The following ELMO1 variants were observed in gnomAD, a reference collection of about 807,000 sequenced individuals.
ELMO1 encodes engulfment and cell motility protein 1.
ELMO1 carries 26 observed loss-of-function variants against 98.9 expected under a neutral mutation model. The ratio of observed to expected loss-of-function variants is 0.26; its 90% CI spans 0.19 to 0.36. The LOEUF is 0.36. ELMO1 is among the 10% of genes least tolerant of loss of function. The pLI, the probability that ELMO1 is intolerant of heterozygous loss-of-function variation, is 1.00. For missense variants in ELMO1, 627 were observed against 935.2 expected (o/e 0.67, Z 4.30); for synonymous variants, 346 against 346.0 (o/e 1.00, Z 0.00).
At chr7:37,107,917 G>A (rs1785034492) in intron 14 of ELMO1, among the ~76,000 whole-genome samples, 1 of 152,126 alleles carries the variant, frequency 6.6e-6, no homozygotes, top group Non-Finnish European at 1.5e-5. Flanking sequence ...TTGGGAGAAC[G>A]GACTTGAGAA....
intron 13 of ELMO1, among the ~76,000 whole-genome samples, chr7:37,196,113 A>T (rs1230228408): frequency 6.6e-6 from 1 of 152,226 alleles, no homozygotes; most frequent in African/African-American, 2.4e-5. Flanking sequence ...CAAATGAACA[A>T]CATCAAGAAG....
rs1803410735 is a variant in ELMO1, at chr7:36,870,426, A to G, written c.1872T>C (p.His624=). ...GTTTAAGGGCACCTTTCTCTTTCAT[A>G]TGAGGGCAGTCCTTTCCCGTCACCA... is the stretch of plus-strand genomic sequence containing the variant. ...KAVVTGKDCP[H]MKEKGALKQN... is the part of the protein sequence containing the mutation. Residue 624 remains histidine (H), a synonymous_variant, in exon 20 of 22, where the codon CAT becomes CAC. Transcript: ENST00000310758. This position sits in a 1 kb window ranked among gnomAD's most constrained non-coding sequence, Gnocchi z 4.4. The G allele has an allele frequency of 3.7e-6, 6 of 1,614,030 alleles. No individual in the cohort carries two copies. Among genetic ancestry groups the G allele is most frequent in the Non-Finnish European group, 4.2e-6 (5 of 1,180,004 alleles).
At chr7:37,336,353 C>A (rs950856135) in intron 2 of ELMO1, among the ~76,000 whole-genome samples, 1 of 152,174 alleles carries the variant, frequency 6.6e-6, no homozygotes. Flanking sequence ...CCATTTGTCT[C>A]GTCTGTAGAC....
At chr7:37,161,353 C>A (rs1325816763) in intron 13 of ELMO1, among the ~76,000 whole-genome samples, 1 of 152,174 alleles carries the variant, frequency 6.6e-6, no homozygotes, top group African/African-American at 2.4e-5. Flanking sequence ...TATCTTGAAT[C>A]CCCTAAACAT....
At chr7:36,960,716 A>C (rs1239004320) in intron 16 of ELMO1, among the ~76,000 whole-genome samples, 2 of 151,306 alleles carry the variant, frequency 1.3e-5, no homozygotes, top group East Asian at 3.9e-4. Flanking sequence ...CTTATATTTT[A>C]AGAAATAACC....
chr7:36,979,874 G>T (rs1790898699), intron 16 of ELMO1, among the ~76,000 whole-genome samples: 1 of 152,204 alleles, frequency 6.6e-6, no homozygotes, highest in Non-Finnish European at 1.5e-5. Flanking sequence ...AGTTCCATTA[G>T]CTCATGGGTG....
intron 2 of ELMO1, among the ~76,000 whole-genome samples, chr7:37,333,543 C>G (rs572987638): frequency 6.6e-6 from 1 of 152,322 alleles, no homozygotes; most frequent in Non-Finnish European, 1.5e-5. Context: ...CAATTAAACT[C>G]AGCTCAGTTA....
intron 16 of ELMO1, among the ~76,000 whole-genome samples, chr7:36,927,651 C>G (rs1217853421): frequency 6.6e-6 from 1 of 152,182 alleles, no homozygotes; most frequent in Non-Finnish European, 1.5e-5. Flanking sequence ...GGGGACCACA[C>G]AGTGGTTCCA....
chr7:37,319,206 T>G (rs1583537205), intron 2 of ELMO1, among the ~76,000 whole-genome samples: 3 of 152,096 alleles, frequency 2.0e-5, no homozygotes, highest in Middle Eastern at 6.8e-3. Flanking sequence ...AATCATCACT[T>G]TCACATTCCC....
chr7:37,401,641 AG>A (rs1803536011), intron 1 of ELMO1, among the ~76,000 whole-genome samples: 2 of 152,226 alleles, frequency 1.3e-5, no homozygotes, highest in African/African-American at 2.4e-5. Context: ...AGAAGAATTC[AG>A]GCAAAAGCAG....
intron 15 of ELMO1, among the ~76,000 whole-genome samples, chr7:37,057,264 G>A: frequency 6.6e-6 from 1 of 151,754 alleles, no homozygotes; most frequent in Admixed American, 6.6e-5. Flanking sequence ...GTGGTACACA[G>A]TTGTCATGTG....
intron 2 of ELMO1, among the ~76,000 whole-genome samples, chr7:37,333,155 C>G (rs1221582095): frequency 6.6e-6 from 1 of 152,148 alleles, no homozygotes; most frequent in East Asian, 1.9e-4. Flanking sequence ...CCTTGGAGTT[C>G]TGGACACACT....
chr7:37,230,671 A>G (rs576055488), intron 8 of ELMO1, among the ~76,000 whole-genome samples: 5 of 152,256 alleles, frequency 3.3e-5, no homozygotes, highest in Non-Finnish European at 7.3e-5. Context: ...GTTACATTCT[A>G]TAGCAAAAGA....
intron 1 of ELMO1, chr7:37,375,936 C>T (rs1391901593): frequency 7.9e-6 from 5 of 635,738 alleles, no homozygotes; most frequent in Non-Finnish European, 8.6e-6. Context: ...CTGGTGCCAA[C>T]AAGAAAGTAG....
intron 7 of ELMO1, among the ~76,000 whole-genome samples, chr7:37,239,051 C>G (rs1794621349): frequency 6.6e-6 from 1 of 152,128 alleles, no homozygotes; most frequent in African/African-American, 2.4e-5. Context: ...GAACTGGTCC[C>G]TCTCCTCTAT....
chr7:37,166,763 T>C (rs1789724820), intron 13 of ELMO1, among the ~76,000 whole-genome samples: 2 of 152,170 alleles, frequency 1.3e-5, no homozygotes, highest in Non-Finnish European at 1.5e-5. Context: ...TCCAACTATG[T>C]GGTCAATTTT....
chr7:37,256,584 G>A lies in ELMO1; in HGVS notation c.413+2597C>T, dbSNP rs151235641. Among the ~76,000 whole-genome samples, 466 of 135,994 alleles carry A rather than the reference G, an allele frequency of 3.4e-3. 5 individuals carry two copies. The highest frequency in any genetic ancestry group is 0.013 in the African/African-American group (452 of 36,074). 89.2% of individuals were successfully genotyped at this position (135,994 alleles called of 152,430 possible). On this transcript the variant is annotated intron_variant, in intron 6 of 21. Coordinates refer to ENST00000310758, the MANE Select transcript of ELMO1 (RefSeq NM_014800.11). ...GAAGGAAGGAAGGAAGGAAAGGAGG[G>A]AGGGAGGGAAAAGGGGAGGGAAAAG...
chr7:37,013,717 A>G (rs923704896), intron 15 of ELMO1: 1 of 346,416 alleles, frequency 2.9e-6, no homozygotes, highest in Admixed American at 3.8e-5. Context: ...CTTTGTTCCA[A>G]AACTGCTGTG....
At chr7:37,423,552 C>G (rs1042677914) in intron 1 of ELMO1, among the ~76,000 whole-genome samples, 3 of 152,170 alleles carry the variant, frequency 2.0e-5, no homozygotes, top group African/African-American at 7.2e-5. Flanking sequence ...TGCACTCCAG[C>G]CCGGGTGACA....
Sources: allele counts gnomAD v4.1 joint callset (sites outside exome capture counted in the v4.1 genomes callset), GRCh38; gene constraint gnomAD v4.1.1; non-coding constraint Gnocchi (gnomAD v3.1); transcripts MANE v1.5; gene names NCBI Gene and HGNC (gene_info 2026-07-23, HGNC 2026-07-21).